Variants in MAP3K21 observed in about 807,000 individuals in gnomAD.
MAP3K21 encodes the protein mitogen-activated protein kinase kinase kinase 21.
In MAP3K21, 63 loss-of-function variants were observed where a neutral mutation model predicts 86.1. The observed-to-expected ratio is 0.73, with a 90% CI of 0.60 to 0.90. The LOEUF (loss-of-function observed/expected upper bound fraction) is 0.90, where lower values mean the gene tolerates loss of function less well. Among genes scored for constraint, MAP3K21 ranks in the 40% least tolerant of loss-of-function variants. The pLI is 0.00. For synonymous variants in MAP3K21, 558 were observed against 564.8 expected (o/e 0.99, Z 0.17); for missense variants, 1,220 against 1,367.7 (o/e 0.89, Z 1.70).
chr1:233,328,653 A>G lies in MAP3K21; in HGVS notation c.625A>G (p.Asn209Asp). Residue 209 changes from asparagine (N) to aspartate (D), a missense_variant, in exon 1 of 10, where the codon AAC becomes GAC. Physicochemically the swap from Asn to Asp is conservative, Grantham distance 23. Transcript: ENST00000366624. The surrounding 1 kb of genome is among the most constrained non-coding windows in gnomAD (Gnocchi z 8.7). ...GGAGTTCGCCCGCGGCGGAGCGCTCAACCGAGCGCTGGCCGCTGCCAACGC... is the reference window on the plus strand; with the variant it reads ...GGAGTTCGCCCGCGGCGGAGCGCTCGACCGAGCGCTGGCCGCTGCCAACGC... ...VLEFARGGAL[N>D]RALAAANAAP... 7.3e-7 allele frequency: 1 copy of G among 1,370,086 alleles called. No individual in the cohort carries two copies. Among genetic ancestry groups the G allele is most frequent in the East Asian group, 3.1e-5 (1 of 32,344 alleles). 84.9% of individuals were successfully genotyped at this position (1,370,086 alleles called of 1,614,324 possible).
intron 4 of MAP3K21, among the ~76,000 whole-genome samples, chr1:233,359,899 T>C (rs184551531): frequency 8.5e-5 from 13 of 152,372 alleles, no homozygotes; most frequent in Middle Eastern, 6.8e-3. Flanking sequence ...AGAAGGAAGA[T>C]TACTTTTGCT....
Position 233,328,679 on chromosome 1 carries a change from C to A in MAP3K21, c.651C>A (p.Ala217=), listed in dbSNP as rs1662754423. The change falls in exon 1 of 10, where the codon GCC becomes GCA. Residue 217 remains alanine (A), a synonymous_variant. Coordinates refer to ENST00000366624, the MANE Select transcript of MAP3K21 (RefSeq NM_032435.3). This position sits in a 1 kb window ranked among gnomAD's most constrained non-coding sequence, Gnocchi z 8.7. ...ALNRALAAAN[A]APDPRAPGPR... ...ACCGAGCGCTGGCCGCTGCCAACGC[C>A]GCCCCGGACCCGCGCGCGCCCGGCC... 7.6e-7 allele frequency: 1 copy of A among 1,320,922 alleles called. No homozygotes were observed. 81.8% of individuals were successfully genotyped at this position (1,320,922 alleles called of 1,614,324 possible). A position where few individuals can be genotyped will look rare whatever the true frequency, so the allele number is the denominator to read the frequency against.
Position 233,372,158 on chromosome 1 carries a change from A to G in MAP3K21, c.1673A>G (p.Gln558Arg), listed in dbSNP as rs750795680. The G allele has an allele frequency of 6.8e-6, 11 of 1,613,912 alleles. No individual in the cohort carries two copies. The highest frequency in any genetic ancestry group is 4.5e-5 in the East Asian group (2 of 44,876). Residue 558 changes from glutamine to arginine, a missense_variant and splice_region_variant, in exon 6 of 10, where the codon CAG (glutamine) becomes CGG (arginine). Physicochemically the swap from Gln to Arg is conservative, Grantham distance 43 (BLOSUM62 1). This residue lies in a region of MAP3K21 where 632 missense variants were observed against 691.3 expected (regional missense o/e 0.91). Coordinates refer to ENST00000366624, the MANE Select transcript of MAP3K21 (RefSeq NM_032435.3). The part of the protein sequence containing the change: ...PTMMPRLRAI[Q>R]LTSDESNKTW... The stretch of plus-strand genomic sequence containing the variant: ...ATGATGCCCCGACTCCGAGCCATAC[A>G]GTGTGAGCTTTCTGCACTGCCACGG...
At chr1:233,378,864 C>A in intron 8 of MAP3K21, 67 bp from the exon 9 acceptor site, 1 of 1,125,506 alleles carries the variant, frequency 8.9e-7, no homozygotes, top group Non-Finnish European at 1.3e-6. Flanking sequence ...CTTTATTTTA[C>A]AATCTTGTTT....
At chr1:233,346,030 C>G (rs74784698) in intron 1 of MAP3K21, among the ~76,000 whole-genome samples, 2,116 of 152,214 alleles carry the variant, frequency 0.014, 54 homozygotes, top group African/African-American at 0.048. Flanking sequence ...TGATAATAAT[C>G]AGCTATGGTA....
Position 233,334,810 on chromosome 1 carries a change from T to C in MAP3K21, c.805+5977T>C, listed in dbSNP as rs190121513. ...TGCTTTATGACTGTACTATCATAGA[T>C]TGTCAGAATGGCAATAATAAAAACT... On this transcript the variant is annotated intron_variant, in intron 1 of 9. Transcript: ENST00000366624. Among the ~76,000 whole-genome samples, 943 of 152,280 alleles carry C rather than the reference T, an allele frequency of 6.2e-3. 14 individuals carry two copies. Among genetic ancestry groups the C allele is most frequent in the African/African-American group, 0.022 (899 of 41,548 alleles).
At position 233,379,643 on chromosome 1, in the gene MAP3K21, C is replaced by T; in HGVS notation, c.2637C>T (p.Tyr879=). 6.2e-7 allele frequency: 1 copy of T among 1,614,044 alleles called. No homozygotes were observed. Among genetic ancestry groups the T allele is most frequent in the Non-Finnish European group, 8.5e-7 (1 of 1,180,008 alleles). ...AGCAGACATGTGGGAATGTACCTTA[C>T]TGTGCTTCTTCAAAACATAGACCGT... ...FLQQTCGNVP[Y]CASSKHRPSH... is the part of the protein sequence containing the mutation. The change falls in exon 9 of 10, where the codon TAC becomes TAT. Residue 879 remains tyrosine (Y), a synonymous_variant. Coordinates refer to ENST00000366624, the MANE Select transcript of MAP3K21 (RefSeq NM_032435.3).
chr1:233,373,324 C>T (rs1217390979), intron 6 of MAP3K21: 1 of 152,334 alleles, frequency 6.6e-6, no homozygotes, highest in African/African-American at 2.4e-5. Context: ...CCTGGCCACT[C>T]CTCTGCCCTC....
intron 8 of MAP3K21, among the ~76,000 whole-genome samples, chr1:233,377,717 G>A (rs1294246): frequency 0.65 from 98,972 of 151,994 alleles, 32,519 homozygotes; most frequent in East Asian, 0.76. Context: ...CATTACATTT[G>A]TTGTGCACTT....
At chr1:233,359,450 A>G (rs1248737671) in intron 4 of MAP3K21, among the ~76,000 whole-genome samples, 1 of 152,158 alleles carries the variant, frequency 6.6e-6, no homozygotes, top group East Asian at 1.9e-4. Flanking sequence ...TTTTTGATGA[A>G]GTAAAAAGCA....
At chr1:233,381,797 C>T (rs189873358) in intron 9 of MAP3K21, among the ~76,000 whole-genome samples, 4 of 152,266 alleles carry the variant, frequency 2.6e-5, no homozygotes, top group East Asian at 1.9e-4. Context: ...AAAGAGGTGA[C>T]GTGTAAAAGT....
At chr1:233,331,685 A>G (rs959037197) in intron 1 of MAP3K21, among the ~76,000 whole-genome samples, 3 of 152,274 alleles carry the variant, frequency 2.0e-5, no homozygotes, top group African/African-American at 7.2e-5. Context: ...GAGCCAATTC[A>G]GTGGAAATTA....
intron 1 of MAP3K21, among the ~76,000 whole-genome samples, chr1:233,329,153 G>T (rs1047009357): frequency 6.6e-6 from 1 of 152,138 alleles, no homozygotes; most frequent in Non-Finnish European, 1.5e-5. Context: ...AATACCAGAG[G>T]TGATTCATCT....
chr1:233,371,274 C>T (rs1663672688), intron 5 of MAP3K21, among the ~76,000 whole-genome samples: 1 of 152,148 alleles, frequency 6.6e-6, no homozygotes, highest in Admixed American at 6.5e-5. Context: ...AGAGCAGTTC[C>T]TTACTGGTTT....
chr1:233,336,377 C>T (rs1196724755), intron 1 of MAP3K21, among the ~76,000 whole-genome samples: 1 of 151,862 alleles, frequency 6.6e-6, no homozygotes, highest in Non-Finnish European at 1.5e-5. Context: ...CCTGTCTCTA[C>T]TAAAAATACA....
intron 5 of MAP3K21, among the ~76,000 whole-genome samples, chr1:233,367,986 C>G (rs1663611733): frequency 6.6e-6 from 1 of 152,166 alleles, no homozygotes; most frequent in African/African-American, 2.4e-5. Flanking sequence ...AAAATGCAGC[C>G]TTGTATCTTT....
chr1:233,338,808 G>A (rs1360993545), intron 1 of MAP3K21, among the ~76,000 whole-genome samples: 2 of 152,166 alleles, frequency 1.3e-5, no homozygotes, highest in South Asian at 2.1e-4. Context: ...ACAGAGGAGA[G>A]CTGTGGTCTG....
rs767182340 is a variant in MAP3K21 at position 233,379,260 on chromosome 1, T to C, written c.2254T>C (p.Leu752=). Reference sequence around the variant, plus strand: ...TAAAGCACAGGCTGCTGAAGAACCGTTGCCCAAGGAAGAGAAGAAGAAACG... The same window carrying C: ...TAAAGCACAGGCTGCTGAAGAACCGCTGCCCAAGGAAGAGAAGAAGAAACG... ...LHKAQAAEEP[L]PKEEKKKREG... Residue 752 remains leucine (L), a synonymous_variant, in exon 9 of 10, where the codon TTG becomes CTG. Transcript: ENST00000366624. The C allele has an allele frequency of 4.3e-5, 69 of 1,614,096 alleles. No homozygotes were observed. Among genetic ancestry groups the C allele is most frequent in the Non-Finnish European group, 5.2e-5 (61 of 1,180,040 alleles).
chr1:233,354,565 G>A (rs940189671), intron 3 of MAP3K21, among the ~76,000 whole-genome samples: 12 of 152,106 alleles, frequency 7.9e-5, no homozygotes, highest in East Asian at 3.9e-4. Context: ...GGAAGCACAC[G>A]TCCATTTATT....
Sources: allele counts gnomAD v4.1 joint callset (sites outside exome capture counted in the v4.1 genomes callset), GRCh38; gene constraint gnomAD v4.1.1; regional missense constraint gnomAD v4.1.1; non-coding constraint Gnocchi (gnomAD v3.1); transcripts MANE v1.5; gene names NCBI Gene and HGNC (gene_info 2026-07-23, HGNC 2026-07-21).